The following NKAIN2 variants were observed in gnomAD, a reference collection of about 807,000 sequenced individuals.
NKAIN2 encodes sodium/potassium-transporting ATPase subunit beta-1-interacting protein 2.
NKAIN2 carries 14 observed loss-of-function variants against 32.6 expected under a neutral mutation model. That is an observed-to-expected ratio of 0.43 (90% CI 0.28 to 0.67). NKAIN2 has a LOEUF of 0.67. Among genes scored for constraint, NKAIN2 ranks in the 30% least tolerant of loss-of-function variants. The pLI, the probability that NKAIN2 is intolerant of heterozygous loss-of-function variation, is 0.17. For missense variants in NKAIN2, 198 were observed against 258.3 expected (o/e 0.77, Z 1.60); for synonymous variants, 80 against 87.2 (o/e 0.92, Z 0.46).
At position 124,429,860 on chromosome 6, in the gene NKAIN2, G is replaced by A. The variant is rs148257887; in HGVS notation, c.273+74513G>A. On this transcript the variant is annotated intron_variant, in intron 3 of 6. Transcript: ENST00000368417. ...GAATTGCTGGGGAGTCTGGCAGGGT[G>A]ATCAGTTGAATGTACTTAAAAAAGT... 5.5e-3 allele frequency among the ~76,000 whole-genome samples: 840 copies of A among 152,200 alleles called. 6 individuals are homozygous for A. The highest frequency in any genetic ancestry group is 0.019 in the African/African-American group (791 of 41,532).
chr6:124,441,301 AT>A (rs1336344795), intron 3 of NKAIN2, among the ~76,000 whole-genome samples: 1 of 152,118 alleles, frequency 6.6e-6, no homozygotes, highest in African/African-American at 2.4e-5. Flanking sequence ...ATATATATTA[AT>A]TCCAATCAAG....
Position 124,717,524 on chromosome 6 carries a change from AAT to A in NKAIN2, c.474+59140_474+59141del, listed in dbSNP as rs202083707. Among the ~76,000 whole-genome samples, 708 of 152,302 alleles carry A rather than the reference AAT, an allele frequency of 4.6e-3. 4 individuals carry two copies. Among genetic ancestry groups the A allele is most frequent in the African/African-American group, 0.016 (674 of 41,568 alleles). ...AACTAAAAAACAAAATTTGTCCCCA[AAT>A]AATTAGTTAGTATTATTATTCCAGA... On this transcript the variant is annotated intron_variant, in intron 4 of 6. Transcript: ENST00000368417.
rs868775423 is a variant in NKAIN2 at position 123,831,360 on chromosome 6, T to C, written c.54+27106T>C. On this transcript the variant is annotated intron_variant, in intron 1 of 6. Transcript: ENST00000368417. ...TATTGTGTAATATTTAAATCTTTTA[T>C]ATAGCCATGATTCTCAAAAGTATCC... 7.2e-5 allele frequency among the ~76,000 whole-genome samples: 11 copies of C among 151,872 alleles called. No individual in the cohort carries two copies. In the South Asian group the frequency reaches 2.3e-3, roughly 31 times the overall value.
chr6:124,798,253 T>C (rs1428132019), intron 5 of NKAIN2, among the ~76,000 whole-genome samples: 1 of 152,194 alleles, frequency 6.6e-6, no homozygotes, highest in Non-Finnish European at 1.5e-5. Flanking sequence ...TGCCAAGTTC[T>C]TGGGTGCCAG....
At chr6:124,204,336 T>C (rs1790747143) in intron 1 of NKAIN2, among the ~76,000 whole-genome samples, 1 of 151,844 alleles carries the variant, frequency 6.6e-6, no homozygotes, top group African/African-American at 2.4e-5. Flanking sequence ...TATTAAGACA[T>C]GAAATAAGCC....
At chr6:124,616,183 A>G (rs1276784001) in intron 3 of NKAIN2, among the ~76,000 whole-genome samples, 1 of 151,984 alleles carries the variant, frequency 6.6e-6, no homozygotes, top group Admixed American at 6.6e-5. Flanking sequence ...TTTATACACT[A>G]CATGCAGCAT....
At chr6:124,049,497 A>C (rs1782303110) in intron 1 of NKAIN2, among the ~76,000 whole-genome samples, 1 of 152,024 alleles carries the variant, frequency 6.6e-6, no homozygotes, top group South Asian at 2.1e-4. Context: ...CAAAGTACCC[A>C]TTTATCACTC....
At chr6:123,833,534 A>G (rs1582616235) in intron 1 of NKAIN2, among the ~76,000 whole-genome samples, 3 of 152,172 alleles carry the variant, frequency 2.0e-5, no homozygotes, top group South Asian at 2.1e-4. Flanking sequence ...ACATCTTGAC[A>G]TTGTTTCCTA....
At chr6:123,995,228 A>G (rs1000549424) in intron 1 of NKAIN2, among the ~76,000 whole-genome samples, 3 of 152,208 alleles carry the variant, frequency 2.0e-5, no homozygotes, top group African/African-American at 7.2e-5. Flanking sequence ...TATAGGCATT[A>G]TAGACATCAA....
At chr6:124,121,577 A>G (rs1036717688) in intron 1 of NKAIN2, among the ~76,000 whole-genome samples, 21 of 152,116 alleles carry the variant, frequency 1.4e-4, no homozygotes, top group African/African-American at 5.1e-4. Context: ...AGACACGTTC[A>G]GATTTCAGGA....
At chr6:124,004,548 G>A (rs1480649040) in intron 1 of NKAIN2, among the ~76,000 whole-genome samples, 1 of 151,620 alleles carries the variant, frequency 6.6e-6, no homozygotes, top group African/African-American at 2.4e-5. Flanking sequence ...AAAATTTTCA[G>A]TTTGCTGAGA....
At chr6:124,788,205 T>G (rs563633691) in intron 4 of NKAIN2, among the ~76,000 whole-genome samples, 5 of 152,260 alleles carry the variant, frequency 3.3e-5, no homozygotes, top group African/African-American at 1.2e-4. Flanking sequence ...AGAGGGCATG[T>G]GACAATGTCT....
chr6:124,015,036 G>A (rs981717331), intron 1 of NKAIN2, among the ~76,000 whole-genome samples: 1 of 152,152 alleles, frequency 6.6e-6, no homozygotes, highest in Admixed American at 6.6e-5. Flanking sequence ...CCAAAGGGAT[G>A]TGTAATTTGA....
At chr6:124,355,993 G>T (rs973698525) in intron 3 of NKAIN2, among the ~76,000 whole-genome samples, 16 of 152,150 alleles carry the variant, frequency 1.1e-4, no homozygotes, top group African/African-American at 3.9e-4. Flanking sequence ...GCAATTAACA[G>T]CAAAGAAGTC....
chr6:124,090,200 G>A (rs1036526666), intron 1 of NKAIN2, among the ~76,000 whole-genome samples: 12 of 151,894 alleles, frequency 7.9e-5, no homozygotes, highest in African/African-American at 2.9e-4. Context: ...CTGTTTTGAG[G>A]CATTTATGAA....
intron 3 of NKAIN2, among the ~76,000 whole-genome samples, chr6:124,454,101 T>C (rs1776226237): frequency 1.2e-5 from 1 of 85,832 alleles, no homozygotes; most frequent in South Asian, 6.5e-4. Context: ...GTTGGGTTTT[T>C]TTTTTGGGGG....
chr6:124,647,522 A>G (rs1784223122), intron 3 of NKAIN2, among the ~76,000 whole-genome samples: 1 of 144,224 alleles, frequency 6.9e-6, no homozygotes, highest in Non-Finnish European at 1.5e-5. Flanking sequence ...AAAAAAAAAG[A>G]CTTCAAGCAA....
At chr6:124,279,787 TACTC>T (rs757863877) in intron 1 of NKAIN2, among the ~76,000 whole-genome samples, 5 of 152,102 alleles carry the variant, frequency 3.3e-5, no homozygotes, top group African/African-American at 4.8e-5. Context: ...ATTGATCGAA[TACTC>T]AATCTAATCC....
intron 4 of NKAIN2, among the ~76,000 whole-genome samples, chr6:124,714,711 G>T (rs1459791158): frequency 3.3e-5 from 5 of 152,166 alleles, no homozygotes; most frequent in African/African-American, 1.2e-4. Flanking sequence ...GTTCCCTGAG[G>T]CAGGCTTTGA....
Sources: allele counts gnomAD v4.1 joint callset (sites outside exome capture counted in the v4.1 genomes callset), GRCh38; gene constraint gnomAD v4.1.1; transcripts MANE v1.5; gene names NCBI Gene and HGNC (gene_info 2026-07-23, HGNC 2026-07-21).